Variants in VWA8 observed in about 807,000 individuals in gnomAD.
VWA8 encodes von Willebrand factor A domain-containing protein 8.
A neutral mutation model predicts 241.5 loss-of-function variants in VWA8; 221 were observed. That is an observed-to-expected ratio of 0.91 (90% CI 0.82 to 1.02). The LOEUF is 1.02. Among genes scored for constraint, VWA8 ranks in the 50% least tolerant of loss-of-function variants. VWA8 has a pLI of 0.00. For synonymous variants in VWA8, 852 were observed against 827.1 expected (o/e 1.03, Z -0.52); for missense variants, 2,322 against 2,328.7 (o/e 1.00, Z 0.06).
At chr13:41,830,242 CAAA>C (rs1305339760) in intron 14 of VWA8, among the ~76,000 whole-genome samples, 3 of 52,536 alleles carry the variant, frequency 5.7e-5, no homozygotes. Context: ...GACTCTGTCT[CAAA>C]AAAAAAAAAA....
intron 42 of VWA8, among the ~76,000 whole-genome samples, chr13:41,587,098 A>G (rs911478134): frequency 3.3e-5 from 5 of 152,188 alleles, no homozygotes; most frequent in South Asian, 2.1e-4. Flanking sequence ...GGAGACACCA[A>G]TGACTGTATA....
chr13:41,775,938 G>C (rs142398826), intron 20 of VWA8, among the ~76,000 whole-genome samples: 1 of 152,154 alleles, frequency 6.6e-6, no homozygotes, highest in East Asian at 1.9e-4. Context: ...TTTTAAACTA[G>C]AAGACCCTCC....
chr13:41,844,811 A>C (rs1872214658), intron 12 of VWA8, among the ~76,000 whole-genome samples: 1 of 151,574 alleles, frequency 6.6e-6, no homozygotes, highest in Non-Finnish European at 1.5e-5. Context: ...AAAAAAAGTT[A>C]AATAAAATAC....
At position 41,570,530 on chromosome 13, in the gene VWA8, T is replaced by C. The variant is rs762369958; in HGVS notation, c.5547A>G (p.Thr1849=). 2 of 1,614,198 alleles carry C rather than the reference T, an allele frequency of 1.2e-6. No individual in the cohort carries two copies. The highest frequency in any genetic ancestry group is 2.2e-5 in the East Asian group (1 of 44,880). The change falls in exon 44 of 45, where the codon ACA becomes ACG. Residue 1849 remains threonine, a synonymous_variant. Transcript: ENST00000379310. ...IHPAKFAQIL[T]RDPQVNAFAI... ...CAAAAGCATTTACTTGAGGGTCTCT[T>C]GTGAGGATTTGAGCAAACTTAGCAG...
chr13:41,655,329 T>C (rs1353357808), intron 37 of VWA8, among the ~76,000 whole-genome samples: 1 of 152,152 alleles, frequency 6.6e-6, no homozygotes, highest in Admixed American at 6.5e-5. Context: ...CGTCAGTTGA[T>C]CCGCCCACTT....
intron 37 of VWA8, among the ~76,000 whole-genome samples, chr13:41,660,076 G>A (rs556367733): frequency 1.3e-5 from 2 of 152,120 alleles, no homozygotes; most frequent in African/African-American, 4.8e-5. Flanking sequence ...TCATCACACT[G>A]CTACATTTCC....
At chr13:41,771,400 G>A (rs935903278) in intron 20 of VWA8, among the ~76,000 whole-genome samples, 7 of 152,154 alleles carry the variant, frequency 4.6e-5, no homozygotes, top group Non-Finnish European at 7.3e-5. Flanking sequence ...TGGGATTACA[G>A]GCGTGAGCCA....
At chr13:41,863,434 T>A (rs1233139145) in intron 12 of VWA8, among the ~76,000 whole-genome samples, 12 of 69,140 alleles carry the variant, frequency 1.7e-4, no homozygotes, top group Non-Finnish European at 2.4e-4. Context: ...TGTGTGTGTG[T>A]ATATATATAT....
intron 37 of VWA8, among the ~76,000 whole-genome samples, chr13:41,663,404 A>G (rs1182765581): frequency 6.6e-6 from 1 of 152,118 alleles, no homozygotes; most frequent in Non-Finnish European, 1.5e-5. Flanking sequence ...CAAAGTAATA[A>G]GCATACACGG....
chr13:41,835,394 T>C (rs550883968), intron 12 of VWA8, among the ~76,000 whole-genome samples: 1 of 152,352 alleles, frequency 6.6e-6, no homozygotes, highest in South Asian at 2.1e-4. Flanking sequence ...TTGTCAAAAT[T>C]TGTTCTTTTT....
At chr13:41,662,663 T>C (rs2044958428) in intron 37 of VWA8, among the ~76,000 whole-genome samples, 1 of 151,926 alleles carries the variant, frequency 6.6e-6, no homozygotes, top group African/African-American at 2.4e-5. Context: ...TCTTTTCTTA[T>C]TGCTCCTTTT....
rs749567457 is a variant in VWA8 at position 41,615,041 on chromosome 13, T to C, written c.4655A>G (p.Lys1552Arg). 6 of 1,613,930 alleles carry C rather than the reference T, an allele frequency of 3.7e-6. No individual in the cohort carries two copies. Among genetic ancestry groups the C allele is most frequent in the Middle Eastern group, 1.7e-4 (1 of 5,970 alleles). ...GTTGTCTGGGTCCTCCTTCCCGTGT[T>C]TGGGGGAGCTTACATCTTCACCACT... The part of the protein sequence containing the change: ...RDSGEDVSSP[K>R]HGKEDPDNMP... Residue 1552 changes from lysine (K) to arginine (R), a missense_variant, in exon 38 of 45, where the codon AAA (lysine) becomes AGA (arginine). Coordinates refer to ENST00000379310, the MANE Select transcript of VWA8 (RefSeq NM_015058.2).
At chr13:41,959,506 A>C (rs995426226) in intron 1 of VWA8, among the ~76,000 whole-genome samples, 4 of 150,950 alleles carry the variant, frequency 2.6e-5, no homozygotes, top group Admixed American at 1.3e-4. Context: ...AAAAAAAAAA[A>C]AAAACAAAAA....
At chr13:41,956,049 A>G (rs1878338181) in intron 1 of VWA8, among the ~76,000 whole-genome samples, 1 of 152,236 alleles carries the variant, frequency 6.6e-6, no homozygotes, top group South Asian at 2.1e-4. Context: ...TGTTAAGTTT[A>G]GTGAGTCTAA....
At chr13:41,883,570 T>C in intron 8 of VWA8, 79 bp from the exon 9 acceptor site, 2 of 1,098,812 alleles carry the variant, frequency 1.8e-6, no homozygotes, top group South Asian at 2.7e-5. Flanking sequence ...ACATATGACA[T>C]TAAAATTGAC....
chr13:41,579,896 G>A (rs2044371577), intron 42 of VWA8, among the ~76,000 whole-genome samples: 1 of 152,156 alleles, frequency 6.6e-6, no homozygotes, highest in African/African-American at 2.4e-5. Context: ...GGCCAGACTG[G>A]AATGCACTGG....
intron 37 of VWA8, among the ~76,000 whole-genome samples, chr13:41,637,105 C>T (rs1382248903): frequency 3.3e-5 from 5 of 151,146 alleles, no homozygotes; most frequent in East Asian, 1.9e-4. Context: ...GCTATAAAGA[C>T]ACATGCACAG....
intron 14 of VWA8, among the ~76,000 whole-genome samples, chr13:41,824,751 G>C (rs1283440094): frequency 1.3e-5 from 2 of 151,842 alleles, no homozygotes. Context: ...CCAGGAGTTT[G>C]AGGTTGCAGT....
chr13:41,699,988 G>T (rs1233729486), intron 28 of VWA8, among the ~76,000 whole-genome samples: 1 of 152,094 alleles, frequency 6.6e-6, no homozygotes, highest in Admixed American at 6.6e-5. Flanking sequence ...CCCAGGAGAG[G>T]CTAATGCTGC....
Sources: allele counts gnomAD v4.1 joint callset (sites outside exome capture counted in the v4.1 genomes callset), GRCh38; gene constraint gnomAD v4.1.1; transcripts MANE v1.5; gene names NCBI Gene and HGNC (gene_info 2026-07-23, HGNC 2026-07-21).